Variants in SEM1 observed in about 807,000 individuals in gnomAD.
SEM1 encodes the protein 26S proteasome complex subunit SEM1.
A neutral mutation model predicts 12.7 loss-of-function variants in SEM1; 3 were observed. The observed-to-expected ratio is 0.24, with a 90% CI of 0.11 to 0.61. The LOEUF is 0.61. Among genes scored for constraint, SEM1 ranks in the 20% least tolerant of loss-of-function variants. SEM1 has a pLI of 0.88. For synonymous variants in SEM1, 30 were observed against 27.8 expected (o/e 1.08, Z -0.25); for missense variants, 59 against 81.3 (o/e 0.73, Z 1.06).
At chr7:96,525,641 C>T (rs1804434306) in intron 2 of SEM1, among the ~76,000 whole-genome samples, 1 of 152,042 alleles carries the variant, frequency 6.6e-6, no homozygotes, top group African/African-American at 2.4e-5. Context: ...AAAAGGTCTC[C>T]AAGTGATCCT....
chr7:96,636,670 G>A (rs1219977587), intron 2 of SEM1, among the ~76,000 whole-genome samples: 1 of 152,052 alleles, frequency 6.6e-6, no homozygotes, highest in Non-Finnish European at 1.5e-5. Context: ...ATTCTTTCTG[G>A]GTCTTGTGTC....
At chr7:96,641,282 T>C (rs1808584250) in intron 2 of SEM1, among the ~76,000 whole-genome samples, 1 of 152,010 alleles carries the variant, frequency 6.6e-6, no homozygotes, top group African/African-American at 2.4e-5. Flanking sequence ...ATCTATTAGT[T>C]TTTTTCTTCA....
intron 1 of SEM1, among the ~76,000 whole-genome samples, chr7:96,706,675 G>T (rs1790477241): frequency 6.7e-6 from 1 of 149,206 alleles, no homozygotes; most frequent in African/African-American, 2.5e-5. Flanking sequence ...TCTTATGCAA[G>T]ATGGGATGTA....
At chr7:96,628,183 T>C (rs1808132177) in intron 2 of SEM1, among the ~76,000 whole-genome samples, 1 of 152,028 alleles carries the variant, frequency 6.6e-6, no homozygotes, top group African/African-American at 2.4e-5. Flanking sequence ...GTGTTTCTTG[T>C]AGGTGACAGA....
chr7:96,634,928 G>T (rs566860066), intron 2 of SEM1, among the ~76,000 whole-genome samples: 1 of 152,064 alleles, frequency 6.6e-6, no homozygotes, highest in Non-Finnish European at 1.5e-5. Flanking sequence ...AAGCAGAGGA[G>T]TGACAGTCTG....
At chr7:96,561,335 A>G (rs949746611) in intron 2 of SEM1, among the ~76,000 whole-genome samples, 3 of 152,144 alleles carry the variant, frequency 2.0e-5, no homozygotes, top group East Asian at 3.9e-4. Context: ...CACCAGCTGG[A>G]TCTCTGGGAC....
At chr7:96,642,814 G>A (rs1305940258) in intron 2 of SEM1, among the ~76,000 whole-genome samples, 1 of 151,076 alleles carries the variant, frequency 6.6e-6, no homozygotes, top group Non-Finnish European at 1.5e-5. Flanking sequence ...TTCTACAATT[G>A]GTCATTTTCA....
intron 2 of SEM1, among the ~76,000 whole-genome samples, chr7:96,523,632 C>T (rs1034684656): frequency 6.6e-6 from 1 of 152,078 alleles, no homozygotes; most frequent in South Asian, 2.1e-4. Flanking sequence ...TGACCACAGC[C>T]ACCCACCAAC....
intron 2 of SEM1, among the ~76,000 whole-genome samples, chr7:96,637,049 C>T (rs1808449557): frequency 6.6e-6 from 1 of 152,018 alleles, no homozygotes; most frequent in Non-Finnish European, 1.5e-5. Context: ...GACACAGAAA[C>T]AGTGAGTTTA....
At chr7:96,613,330 A>G (rs982914469) in intron 2 of SEM1, among the ~76,000 whole-genome samples, 4 of 152,214 alleles carry the variant, frequency 2.6e-5, no homozygotes, top group African/African-American at 9.6e-5. Context: ...GCTCATTGTA[A>G]CATCTGCCTA....
intron 2 of SEM1, among the ~76,000 whole-genome samples, chr7:96,518,683 T>A (rs1804174080): frequency 6.6e-6 from 1 of 152,190 alleles, no homozygotes; most frequent in Non-Finnish European, 1.5e-5. Context: ...AATGATCAAG[T>A]GAACCAGTGT....
chr7:96,633,475 T>A (rs1311208391), intron 2 of SEM1, among the ~76,000 whole-genome samples: 1 of 152,154 alleles, frequency 6.6e-6, no homozygotes, highest in Non-Finnish European at 1.5e-5. Context: ...TTGAACATAG[T>A]GGATACACAG....
At chr7:96,675,355 T>C (rs1287664869) in intron 2 of SEM1, among the ~76,000 whole-genome samples, 1 of 152,130 alleles carries the variant, frequency 6.6e-6, no homozygotes, top group East Asian at 1.9e-4. Flanking sequence ...GTCACTTCTA[T>C]GTATAGAGAA....
At chr7:96,582,756 G>T (rs1475707183) in intron 2 of SEM1, among the ~76,000 whole-genome samples, 1 of 152,256 alleles carries the variant, frequency 6.6e-6, no homozygotes, top group South Asian at 2.1e-4. Context: ...TAGTTTATTT[G>T]CGTAGAGGTG....
chr7:96,632,784 GTTTTTTTT>G (rs11296451), intron 2 of SEM1, among the ~76,000 whole-genome samples: 2 of 110,188 alleles, frequency 1.8e-5, no homozygotes, highest in African/African-American at 6.2e-5. Context: ...GTTGTTTTTT[GTTTTTTTT>G]TTTTTTTTGG....
At chr7:96,516,222 A>C (rs1804091358) in intron 2 of SEM1, among the ~76,000 whole-genome samples, 1 of 152,186 alleles carries the variant, frequency 6.6e-6, no homozygotes. Flanking sequence ...TCCAACAAAG[A>C]AAGAACTGAT....
At chr7:96,517,283 G>T (rs1489580345) in intron 2 of SEM1, among the ~76,000 whole-genome samples, 1 of 152,108 alleles carries the variant, frequency 6.6e-6, no homozygotes, top group African/African-American at 2.4e-5. Flanking sequence ...CATTCTGGTG[G>T]GAGGATATTG....
chr7:96,703,868 AG>A (rs1790351102), intron 1 of SEM1, among the ~76,000 whole-genome samples: 1 of 152,022 alleles, frequency 6.6e-6, no homozygotes, highest in Admixed American at 6.6e-5. Flanking sequence ...GCTGAGACAG[AG>A]GATCACTCAA....
intron 2 of SEM1, among the ~76,000 whole-genome samples, chr7:96,613,079 G>T (rs1237580489): frequency 6.6e-6 from 1 of 152,214 alleles, no homozygotes; most frequent in East Asian, 1.9e-4. Context: ...GAGAGAAAAA[G>T]TTGTGTTTTA....
Sources: allele counts gnomAD v4.1 joint callset (sites outside exome capture counted in the v4.1 genomes callset), GRCh38; gene constraint gnomAD v4.1.1; transcripts MANE v1.5; gene names NCBI Gene and HGNC (gene_info 2026-07-23, HGNC 2026-07-21).